ALS2CL: variants seen among roughly 807,000 people sequenced by gnomAD.
The protein encoded by ALS2CL is ALS2 C-terminal-like protein.
A neutral mutation model predicts 127.9 loss-of-function variants in ALS2CL; 112 were observed. That is an observed-to-expected ratio of 0.88 (90% CI 0.75 to 1.02). The LOEUF is 1.02. Among genes scored for constraint, ALS2CL ranks in the 50% least tolerant of loss-of-function variants. The pLI, the probability that ALS2CL is intolerant of heterozygous loss-of-function variation, is 0.00. For synonymous variants in ALS2CL, 519 were observed against 527.6 expected, an observed-to-expected ratio of 0.98 and a Z score of 0.22; for missense variants, 1,174 against 1,236.7, an observed-to-expected ratio of 0.95 and a Z score of 0.76.
intron 24 of ALS2CL, 100 bp downstream of exon 24, chr3:46,671,784 C>T: frequency 6.4e-7 from 1 of 1,553,894 alleles, no homozygotes; most frequent in Admixed American, 1.8e-5. Flanking sequence ...CAGAGAGAAG[C>T]TGCATCCATA....
Position 46,669,322 on chromosome 3 carries a change from G to C in ALS2CL, c.*1662C>G, listed in dbSNP as rs1698225076. ...AGTGAGCCACTGTGCCCAGCCAGAG[G>C]CTCCAGTTCCACTGGTGTTGGGTGA... is the stretch of plus-strand genomic sequence containing the variant. On this transcript the variant is annotated 3_prime_UTR_variant, in exon 26 of 26. Coordinates refer to ENST00000318962, the MANE Select transcript of ALS2CL (RefSeq NM_147129.5). The C allele has an allele frequency of 6.6e-6, 1 of 152,220 alleles. No homozygotes were observed. The highest frequency in any genetic ancestry group is 1.5e-5 in the Non-Finnish European group (1 of 68,076). The allele number at this position is 152,220 out of a possible 1,614,324, so 9.4% of individuals were successfully genotyped here.
intron 1 of ALS2CL, among the ~76,000 whole-genome samples, chr3:46,691,827 G>A (rs1288575488): frequency 6.6e-6 from 1 of 151,580 alleles, no homozygotes; most frequent in Non-Finnish European, 1.5e-5. Flanking sequence ...CAAAGTGCTG[G>A]GATTACAGGC....
rs751060821 is a variant in ALS2CL, at chr3:46,681,587, C to T, written c.1187G>A (p.Arg396His). ...CQGLEHGFGI[R>H]LLPQASEDKF... is the part of the protein sequence containing the mutation. ...GTCCTCAGAGGCCTGGGGCAGCAGG[C>T]GGATGCCGAAGCTGACAGCATGGTT... The change falls in exon 12 of 26, where the codon CGC (arginine) becomes CAC (histidine). Residue 396 changes from arginine (R) to histidine (H), a missense_variant. Coordinates refer to ENST00000318962, the MANE Select transcript of ALS2CL (RefSeq NM_147129.5). The surrounding 1 kb of genome is among the most constrained non-coding windows in gnomAD (Gnocchi z 4.9). 39 of 1,613,960 alleles carry T rather than the reference C, an allele frequency of 2.4e-5. No individual in the cohort carries two copies. Among genetic ancestry groups the T allele is most frequent in the African/African-American group, 4.0e-5 (3 of 74,926 alleles).
chr3:46,682,852 C>T (rs1327717632), intron 10 of ALS2CL, among the ~76,000 whole-genome samples: 1 of 152,210 alleles, frequency 6.6e-6, no homozygotes, highest in African/African-American at 2.4e-5. Context: ...ATTATTCTCC[C>T]ACCCTCCTAA....
At chr3:46,673,213 C>A in intron 22 of ALS2CL, 126 bp downstream of exon 22, 20 of 615,020 alleles carry the variant, frequency 3.3e-5, no homozygotes, top group East Asian at 4.1e-5. Context: ...AGTGTCTCCT[C>A]CCAACCCACC....
At chr3:46,692,698 G>A (rs889781283) in intron 1 of ALS2CL, among the ~76,000 whole-genome samples, 3 of 152,222 alleles carry the variant, frequency 2.0e-5, no homozygotes, top group Non-Finnish European at 4.4e-5. Context: ...CGGTGGGGTG[G>A]GGCAGGGTGA....
In ALS2CL at chr3:46,677,027, G is replaced by C; in HGVS notation, c.1758-5C>G. On this transcript the variant is annotated splice_polypyrimidine_tract_variant and splice_region_variant and intron_variant, in intron 16 of 25. Coordinates refer to ENST00000318962, the MANE Select transcript of ALS2CL (RefSeq NM_147129.5). ...AAGGCACCCACGCCCAGCTGCCTGCGATGGGGATGGAGGGTGGGTGATGGG... is the reference window on the plus strand; with the variant it reads ...AAGGCACCCACGCCCAGCTGCCTGCCATGGGGATGGAGGGTGGGTGATGGG... 6.3e-7 allele frequency: 1 copy of C among 1,595,408 alleles called. No homozygotes were observed. The highest frequency in any genetic ancestry group is 1.3e-5 in the African/African-American group (1 of 74,848).
In ALS2CL at chr3:46,681,004, G is replaced by A. The variant is rs1699278274; in HGVS notation, c.1436+242C>T. The A allele has an allele frequency of 1.6e-6, 1 of 627,598 alleles. No homozygotes were observed. The highest frequency in any genetic ancestry group is 2.7e-5 in the Admixed American group (1 of 37,056). 38.9% of individuals were successfully genotyped at this position (627,598 alleles called of 1,614,324 possible). On this transcript the variant is annotated intron_variant, in intron 13 of 25. Transcript: ENST00000318962. This position sits in a 1 kb window ranked among gnomAD's most constrained non-coding sequence, Gnocchi z 4.9. ...GCAGTTTTTAGACGTGACAGAGCAG[G>A]GGGTCAGAAATGCCTCTCCAACACC... is the stretch of plus-strand genomic sequence containing the variant.
At chr3:46,690,952 G>A (rs191053131) in intron 1 of ALS2CL, among the ~76,000 whole-genome samples, 1 of 152,366 alleles carries the variant, frequency 6.6e-6, no homozygotes, top group East Asian at 1.9e-4. Flanking sequence ...CCCAGGCCAG[G>A]CATTCCTGCC....
intron 9 of ALS2CL, among the ~76,000 whole-genome samples, 172 bp from the exon 10 acceptor site, chr3:46,683,498 C>A (rs1015053072): frequency 1.3e-5 from 2 of 152,210 alleles, no homozygotes; most frequent in Non-Finnish European, 1.5e-5. Context: ...GCCCTCCACC[C>A]AACCTGAGAT....
At position 46,683,247 on chromosome 3, in the gene ALS2CL, C is replaced by T. The variant is rs1170220450; in HGVS notation, c.992G>A (p.Gly331Asp). The part of the protein sequence containing the change: ...GKKDFPVLGA[G>D]LEPSQPPDCR... Reference sequence around the variant, plus strand: ...GTCGGGAGGCTGGGAGGGCTCCAGGCCAGCCCCCAGCACGGGGAAGTCCTT... The same window carrying T: ...GTCGGGAGGCTGGGAGGGCTCCAGGTCAGCCCCCAGCACGGGGAAGTCCTT... Residue 331 changes from glycine (G) to aspartate (D), a missense_variant, in exon 10 of 26, where the codon GGC (glycine) becomes GAC (aspartate). Coordinates refer to ENST00000318962, the MANE Select transcript of ALS2CL (RefSeq NM_147129.5). The T allele has an allele frequency of 6.2e-7, 1 of 1,610,778 alleles. No homozygotes were observed. The highest frequency in any genetic ancestry group is 1.1e-5 in the South Asian group (1 of 90,612).
At chr3:46,678,439 C>T in intron 15 of ALS2CL, 50 bp from the exon 16 acceptor site, 2 of 1,577,754 alleles carry the variant, frequency 1.3e-6, no homozygotes, top group Non-Finnish European at 1.7e-6. Flanking sequence ...AGTTACCCTT[C>T]CAGCCAATCA....
rs371940516 is a variant in ALS2CL at position 46,687,052 on chromosome 3, G to A, written c.465C>T (p.His155=). ...SVGASLGQAL[H]QPLAHHVQQY... ...GTTGCACGTGATGGGCGAGTGGCTG[G>A]TGGAGGGCCTGGCCCAGCGATGCGC... Residue 155 remains histidine, a synonymous_variant, in exon 5 of 26, where the codon CAC becomes CAT. Coordinates refer to ENST00000318962, the MANE Select transcript of ALS2CL (RefSeq NM_147129.5). 2 of 1,603,218 alleles carry A rather than the reference G, an allele frequency of 1.2e-6. No individual in the cohort carries two copies. Among genetic ancestry groups the A allele is most frequent in the Non-Finnish European group, 1.7e-6 (2 of 1,178,926 alleles).
At position 46,683,809 on chromosome 3, in the gene ALS2CL, G is replaced by A. The variant is rs1357002862; in HGVS notation, c.885C>T (p.Ser295=). The A allele has an allele frequency of 4.3e-6, 7 of 1,614,120 alleles. No homozygotes were observed. In the South Asian group the frequency reaches 6.6e-5, roughly 15 times the overall value. Residue 295 remains serine (S), a synonymous_variant, in exon 9 of 26, where the codon TCC becomes TCT. Coordinates refer to ENST00000318962, the MANE Select transcript of ALS2CL (RefSeq NM_147129.5). ...FHLLTPEEEF[S]FCAKDSQGQA... is the part of the protein sequence containing the mutation. ...GGCCCTGGGAGTCCTTGGCACAAAA[G>A]GAGAACTCTTCTTCGGGCGTGAGGA... is the stretch of plus-strand genomic sequence containing the variant.
rs960035427 is a variant in ALS2CL at position 46,676,561 on chromosome 3, C to T, written c.2028+81G>A. On this transcript the variant is annotated intron_variant, in intron 18 of 25. Coordinates refer to ENST00000318962, the MANE Select transcript of ALS2CL (RefSeq NM_147129.5). The stretch of plus-strand genomic sequence containing the variant: ...CAGGCCTGTCCCCTTCAGTCAGCAC[C>T]CTGCTATGAAAAATGGGAGCCCTTC... 4.9e-5 allele frequency: 77 copies of T among 1,557,480 alleles called. 1 individual carries two copies. In the South Asian group the frequency reaches 9.0e-4, roughly 18 times the overall value.
At chr3:46,684,605 A>C (rs1699627629) in intron 7 of ALS2CL, among the ~76,000 whole-genome samples, 1 of 152,218 alleles carries the variant, frequency 6.6e-6, no homozygotes, top group African/African-American at 2.4e-5. Context: ...TCACTGCTCC[A>C]TACCAGAATG....
chr3:46,690,701 C>T lies in ALS2CL; in HGVS notation c.-25-1236G>A, dbSNP rs1353094602. 8.5e-5 allele frequency among the ~76,000 whole-genome samples: 13 copies of T among 152,234 alleles called. 1 individual carries two copies. Among genetic ancestry groups the T allele is most frequent in the East Asian group, 5.8e-4 (3 of 5,192 alleles). On this transcript the variant is annotated intron_variant, in intron 1 of 25. Transcript: ENST00000318962. The stretch of plus-strand genomic sequence containing the variant: ...ACTGTCTCTCTCCTTGTCTCTGACA[C>T]GCTGAGGCTTTGGAGTTAGCCAACC...
Position 46,681,621 on chromosome 3 carries a change from G to A in ALS2CL, c.1176-23C>T, listed in dbSNP as rs1488750395. 6.2e-7 allele frequency: 1 copy of A among 1,612,790 alleles called. No individual in the cohort carries two copies. The highest frequency in any genetic ancestry group is 2.2e-5 in the East Asian group (1 of 44,874). ...AAGCTGACAGCATGGTTGTGGGGGTGGGGATCAGCCCTGACCTGAGACGCC... is the reference window on the plus strand; with the variant it reads ...AAGCTGACAGCATGGTTGTGGGGGTAGGGATCAGCCCTGACCTGAGACGCC... On this transcript the variant is annotated intron_variant, in intron 11 of 25. Transcript: ENST00000318962. The surrounding 1 kb of genome is among the most constrained non-coding windows in gnomAD (Gnocchi z 4.9).
chr3:46,683,395 G>A (rs111951508), intron 9 of ALS2CL, 69 bp from the exon 10 acceptor site: 29 of 1,483,024 alleles, frequency 2.0e-5, no homozygotes, highest in African/African-American at 1.7e-4. Flanking sequence ...GAAGCCTTCT[G>A]GGGTAGCTCC....
Sources: allele counts gnomAD v4.1 joint callset (sites outside exome capture counted in the v4.1 genomes callset), GRCh38; gene constraint gnomAD v4.1.1; non-coding constraint Gnocchi (gnomAD v3.1); transcripts MANE v1.5; gene names NCBI Gene and HGNC (gene_info 2026-07-23, HGNC 2026-07-21).